IL15: variants seen among roughly 807,000 people sequenced by gnomAD.
IL15 encodes the protein interleukin-15.
A neutral mutation model predicts 19.6 loss-of-function variants in IL15; 11 were observed. The observed-to-expected ratio is 0.56, with a 90% CI of 0.35 to 0.93. The LOEUF is 0.93. Ranked by LOEUF, IL15 falls within the 40% of genes least tolerant of loss-of-function variation. IL15 has a pLI of 0.01. For missense variants in IL15, 197 were observed against 186.5 expected, an observed-to-expected ratio of 1.06 and a Z score of -0.33; for synonymous variants, 58 against 59.6, an observed-to-expected ratio of 0.97 and a Z score of 0.12.
At chr4:141,715,622 A>G (rs1295891487) in intron 2 of IL15, 5 of 152,180 alleles carry the variant, frequency 3.3e-5, no homozygotes, top group African/African-American at 1.2e-4. Flanking sequence ...CTAGCCCATA[A>G]TAAATATTCA....
chr4:141,659,675 T>TA (rs1210488470), intron 2 of IL15, among the ~76,000 whole-genome samples: 2 of 152,242 alleles, frequency 1.3e-5, no homozygotes, highest in Non-Finnish European at 2.9e-5. Flanking sequence ...ACATTCTTTT[T>TA]AAAAAAATTT....
intron 2 of IL15, among the ~76,000 whole-genome samples, chr4:141,665,977 T>G (rs1187561875): frequency 6.6e-6 from 1 of 152,080 alleles, no homozygotes; most frequent in Admixed American, 6.6e-5. Flanking sequence ...AGCTTTTAAG[T>G]AATAAAGGTG....
chr4:141,645,191 C>T (rs1422007239), intron 1 of IL15, among the ~76,000 whole-genome samples: 1 of 152,162 alleles, frequency 6.6e-6, no homozygotes, highest in African/African-American at 2.4e-5. Context: ...AGATAAAAGA[C>T]ATAACCAGAA....
intron 2 of IL15, among the ~76,000 whole-genome samples, chr4:141,696,284 G>A (rs1043157405): frequency 5.3e-5 from 8 of 151,984 alleles, no homozygotes; most frequent in Admixed American, 5.3e-4. Context: ...TGTTAAATTG[G>A]TCTATGAGTC....
At chr4:141,657,615 A>G in intron 2 of IL15, among the ~76,000 whole-genome samples, 1 of 151,622 alleles carries the variant, frequency 6.6e-6, no homozygotes, top group Non-Finnish European at 1.5e-5. Context: ...AAATTTTTTT[A>G]TTAAAAACTA....
chr4:141,687,227 G>A (rs1728740090), intron 2 of IL15, among the ~76,000 whole-genome samples: 1 of 152,160 alleles, frequency 6.6e-6, no homozygotes, highest in African/African-American at 2.4e-5. Context: ...CTTGTAAGCA[G>A]GGCAGGTCTT....
rs187762156 is a variant in IL15 at position 141,706,737 on chromosome 4, A to G, written c.-99-12629A>G. ...TTTTTTTTAATTTTCAGCACTTTGA[A>G]TATGTCATGCCATTCTCTCCTAGTC... On this transcript the variant is annotated intron_variant, in intron 2 of 7. Coordinates refer to ENST00000320650, the MANE Select transcript of IL15 (RefSeq NM_000585.5). 2.0e-5 allele frequency among the ~76,000 whole-genome samples: 3 copies of G among 151,886 alleles called. No homozygotes were observed. The East Asian group carries it at 5.8e-4, about 29-fold the overall frequency.
chr4:141,689,240 G>C (rs1302140358), intron 2 of IL15, among the ~76,000 whole-genome samples: 1 of 152,158 alleles, frequency 6.6e-6, no homozygotes, highest in East Asian at 1.9e-4. Flanking sequence ...TGTGGAAGGG[G>C]ACCTGAGCAG....
intron 5 of IL15, 97 bp from the exon 6 acceptor site, chr4:141,727,843 A>G: frequency 1.5e-6 from 1 of 664,796 alleles, no homozygotes; most frequent in South Asian, 1.7e-5. Context: ...AAAATAAAAA[A>G]AGAATTAAAA....
chr4:141,721,830 C>G (rs941907771), intron 4 of IL15, 94 bp from the exon 5 acceptor site: 11 of 1,106,630 alleles, frequency 9.9e-6, no homozygotes, highest in African/African-American at 3.1e-5. Context: ...TTTCACTGGT[C>G]AGAATAAAAA....
At chr4:141,723,878 C>A (rs545405845) in intron 5 of IL15, among the ~76,000 whole-genome samples, 1 of 152,164 alleles carries the variant, frequency 6.6e-6, no homozygotes, top group South Asian at 2.1e-4. Flanking sequence ...GAGAAATAGA[C>A]AAATCCACAA....
At chr4:141,732,628 T>A in intron 7 of IL15, 110 bp from the exon 8 acceptor site, 4 of 1,397,166 alleles carry the variant, frequency 2.9e-6, no homozygotes, top group Non-Finnish European at 2.9e-6. Context: ...AAAGCTTTCA[T>A]ATCTCAAGAC....
chr4:141,680,449 C>T (rs997621059), intron 2 of IL15, among the ~76,000 whole-genome samples: 3 of 152,126 alleles, frequency 2.0e-5, no homozygotes, highest in African/African-American at 4.8e-5. Flanking sequence ...CTGTTTCTGT[C>T]GAACACTTGA....
intron 2 of IL15, chr4:141,718,661 A>G (rs187083910): frequency 6.6e-6 from 1 of 152,336 alleles, no homozygotes; most frequent in African/African-American, 2.4e-5. Context: ...TCTGAAAAGT[A>G]TAATAATTTA....
intron 2 of IL15, among the ~76,000 whole-genome samples, chr4:141,671,190 A>T (rs1728164983): frequency 6.6e-6 from 1 of 152,174 alleles, no homozygotes; most frequent in Admixed American, 6.5e-5. Flanking sequence ...GAGGAATCTC[A>T]TATTTTGTGG....
At chr4:141,721,861 T>G in intron 4 of IL15, 63 bp from the exon 5 acceptor site, 1 of 1,365,892 alleles carries the variant, frequency 7.3e-7, no homozygotes, top group Non-Finnish European at 1.0e-6. Flanking sequence ...CTCTTTTGCT[T>G]ATAGTATTCA....
intron 1 of IL15, among the ~76,000 whole-genome samples, chr4:141,655,573 T>A (rs1727562016): frequency 6.6e-6 from 1 of 152,170 alleles, no homozygotes; most frequent in Non-Finnish European, 1.5e-5. Flanking sequence ...CTTTACTTTT[T>A]TAAATGGCAT....
At chr4:141,689,241 A>T (rs2152176253) in intron 2 of IL15, among the ~76,000 whole-genome samples, 1 of 152,224 alleles carries the variant, frequency 6.6e-6, no homozygotes, top group South Asian at 2.1e-4. Flanking sequence ...GTGGAAGGGG[A>T]CCTGAGCAGG....
At chr4:141,680,342 G>C (rs765183034) in intron 2 of IL15, among the ~76,000 whole-genome samples, 4 of 152,186 alleles carry the variant, frequency 2.6e-5, no homozygotes, top group African/African-American at 4.8e-5. Flanking sequence ...CCAGAAGTGA[G>C]CTATCCCCTG....
Sources: gnomAD v4.1 joint callset for allele counts (sites outside exome capture counted in the v4.1 genomes callset) on GRCh38, gnomAD v4.1.1 for gene constraint, MANE v1.5 for transcripts, NCBI Gene and HGNC (gene_info 2026-07-23, HGNC 2026-07-21) for gene names.